Variants in ST6GALNAC5 observed in about 807,000 individuals in gnomAD.
The protein encoded by ST6GALNAC5 is alpha-N-acetylgalactosaminide alpha-2,6-sialyltransferase 5.
ST6GALNAC5 carries 27 observed loss-of-function variants against 33.6 expected under a neutral mutation model. The observed-to-expected ratio is 0.80, with a 90% CI of 0.59 to 1.11. The LOEUF (loss-of-function observed/expected upper bound fraction) is 1.11. Among genes scored for constraint, ST6GALNAC5 ranks in the 50% least tolerant of loss-of-function variants. The pLI, the probability that ST6GALNAC5 is intolerant of heterozygous loss-of-function variation, is 0.00. For missense variants in ST6GALNAC5, 428 were observed against 454.0 expected (o/e 0.94, Z 0.52); for synonymous variants, 194 against 171.2 (o/e 1.13, Z -1.04).
At chr1:77,010,005 T>C (rs1308915779) in intron 2 of ST6GALNAC5, among the ~76,000 whole-genome samples, 2 of 152,156 alleles carry the variant, frequency 1.3e-5, no homozygotes, top group Non-Finnish European at 1.5e-5. Flanking sequence ...GCAGAGTCCT[T>C]GGGCATTTTT....
intron 2 of ST6GALNAC5, among the ~76,000 whole-genome samples, chr1:77,017,427 C>T (rs973212519): frequency 6.6e-6 from 1 of 152,126 alleles, no homozygotes; most frequent in Non-Finnish European, 1.5e-5. Context: ...AAGGAGCTCT[C>T]CATGGGCAAG....
chr1:77,005,370 C>T (rs1392141930), intron 2 of ST6GALNAC5, among the ~76,000 whole-genome samples: 1 of 152,228 alleles, frequency 6.6e-6, no homozygotes, highest in Admixed American at 6.5e-5. Context: ...CGCACACCCA[C>T]TGACCTGCAC....
intron 2 of ST6GALNAC5, among the ~76,000 whole-genome samples, chr1:76,905,172 G>A (rs925734770): frequency 2.6e-5 from 4 of 152,172 alleles, no homozygotes; most frequent in Non-Finnish European, 4.4e-5. Context: ...TAAAGATAGA[G>A]AGCACATCGT....
intron 4 of ST6GALNAC5, 101 bp from the exon 5 acceptor site, chr1:77,062,874 T>C (rs1199216705): frequency 1.1e-5 from 9 of 791,262 alleles, no homozygotes; most frequent in Non-Finnish European, 1.8e-5. Context: ...AACTAGAAAA[T>C]ACAATTTTTA....
intron 2 of ST6GALNAC5, among the ~76,000 whole-genome samples, chr1:76,975,447 G>T (rs1648971130): frequency 6.6e-6 from 1 of 152,134 alleles, no homozygotes; most frequent in South Asian, 2.1e-4. Flanking sequence ...TTTTAATTCA[G>T]CAGGGTGAGA....
intron 2 of ST6GALNAC5, among the ~76,000 whole-genome samples, chr1:76,980,429 T>C (rs112097736): frequency 0.011 from 1,651 of 152,336 alleles, 33 homozygotes; most frequent in African/African-American, 0.038. Context: ...GGGTGGTTAA[T>C]TTCTATGACT....
At chr1:76,948,369 GT>G (rs1328085197) in intron 2 of ST6GALNAC5, among the ~76,000 whole-genome samples, 6 of 152,148 alleles carry the variant, frequency 3.9e-5, no homozygotes, top group African/African-American at 1.4e-4. Flanking sequence ...AGCCAGCTCT[GT>G]CTTCTCTCCT....
chr1:76,948,558 G>GGA (rs1391748146), intron 2 of ST6GALNAC5, among the ~76,000 whole-genome samples: 9 of 139,910 alleles, frequency 6.4e-5, no homozygotes, highest in African/African-American at 2.1e-4. Flanking sequence ...CTTCAAGTGG[G>GGA]GAGAGAGAGA....
intron 2 of ST6GALNAC5, among the ~76,000 whole-genome samples, chr1:76,973,953 T>C (rs115850970): frequency 0.011 from 1,711 of 152,192 alleles, 35 homozygotes; most frequent in African/African-American, 0.039. Context: ...GCTTTAATTA[T>C]TGAATATTTA....
chr1:76,957,818 A>G (rs1329224646), intron 2 of ST6GALNAC5, among the ~76,000 whole-genome samples: 1 of 152,068 alleles, frequency 6.6e-6, no homozygotes, highest in Non-Finnish European at 1.5e-5. Context: ...CATTTTTTCT[A>G]AAAACATTCT....
chr1:77,044,566 G>T lies in ST6GALNAC5; in HGVS notation c.624G>T (p.Lys208Asn). The change falls in exon 3 of 5, where the codon AAG (lysine) becomes AAT (asparagine). Residue 208 changes from lysine (K) to asparagine (N), a missense_variant. Lys to Asn is a moderately conservative substitution (Grantham distance 94). Transcript: ENST00000477717. ...RLKAFMITRH[K>N]MLQFDELFKQ... ...AGGCCTTCATGATTACTCGCCACAA[G>T]ATGCTGCAGTTTGATGAGCTCTTCA... 1.9e-6 allele frequency: 3 copies of T among 1,588,080 alleles called. No homozygotes were observed. Among genetic ancestry groups the T allele is most frequent in the Middle Eastern group, 1.7e-4 (1 of 5,920 alleles).
chr1:76,893,284 C>T (rs918638104), intron 2 of ST6GALNAC5, among the ~76,000 whole-genome samples: 1 of 151,906 alleles, frequency 6.6e-6, no homozygotes, highest in African/African-American at 2.4e-5. Flanking sequence ...ATATGTCATA[C>T]CAGAGAAAGA....
At chr1:76,969,466 G>C (rs192674600) in intron 2 of ST6GALNAC5, among the ~76,000 whole-genome samples, 1 of 152,216 alleles carries the variant, frequency 6.6e-6, no homozygotes, top group Non-Finnish European at 1.5e-5. Context: ...GCAGTAGCCT[G>C]TCAGGGAGAG....
At chr1:77,028,763 T>C (rs935921528) in intron 2 of ST6GALNAC5, among the ~76,000 whole-genome samples, 4 of 152,182 alleles carry the variant, frequency 2.6e-5, no homozygotes, top group Non-Finnish European at 4.4e-5. Context: ...ATTACCATTA[T>C]TTTATAGGTG....
chr1:76,878,566 A>G (rs1653703596), intron 2 of ST6GALNAC5, among the ~76,000 whole-genome samples: 1 of 152,124 alleles, frequency 6.6e-6, no homozygotes, highest in Non-Finnish European at 1.5e-5. Context: ...AAGGCTGGCG[A>G]TCTCCTGGGG....
In ST6GALNAC5 at chr1:76,868,820, C is replaced by T. The variant is rs1190597488; in HGVS notation, c.261+78C>T. 20 of 1,429,744 alleles carry T rather than the reference C, an allele frequency of 1.4e-5. No individual in the cohort carries two copies. The highest frequency in any genetic ancestry group is 1.7e-5 in the Non-Finnish European group (19 of 1,098,058). 88.6% of individuals were successfully genotyped at this position (1,429,744 alleles called of 1,614,324 possible). On this transcript the variant is annotated intron_variant, in intron 2 of 4. Transcript: ENST00000477717. The surrounding 1 kb of genome is among the most constrained non-coding windows in gnomAD (Gnocchi z 4.3). ...CCTGAGCCTTCCCCCTTTCCCGGGGCTGGGAGGCGCTGTGAGTAGGTGCCG... is the reference window on the plus strand; with the variant it reads ...CCTGAGCCTTCCCCCTTTCCCGGGGTTGGGAGGCGCTGTGAGTAGGTGCCG...
chr1:76,994,306 C>T (rs1391957326), intron 2 of ST6GALNAC5, among the ~76,000 whole-genome samples: 1 of 152,136 alleles, frequency 6.6e-6, no homozygotes, highest in East Asian at 1.9e-4. Context: ...ACAACTTAAT[C>T]AAATCAGACA....
intron 2 of ST6GALNAC5, among the ~76,000 whole-genome samples, chr1:76,936,364 G>A (rs1647203562): frequency 6.6e-6 from 1 of 151,906 alleles, no homozygotes; most frequent in Admixed American, 6.6e-5. Context: ...CCTTTTTAAA[G>A]CAAATGTCTG....
At chr1:76,913,493 G>C (rs1054359772) in intron 2 of ST6GALNAC5, among the ~76,000 whole-genome samples, 2 of 152,000 alleles carry the variant, frequency 1.3e-5, no homozygotes, top group Admixed American at 6.6e-5. Flanking sequence ...AAGTTCTCCT[G>C]GATAATACCC....
Sources: allele counts gnomAD v4.1 joint callset (sites outside exome capture counted in the v4.1 genomes callset), GRCh38; gene constraint gnomAD v4.1.1; non-coding constraint Gnocchi (gnomAD v3.1); transcripts MANE v1.5; gene names NCBI Gene and HGNC (gene_info 2026-07-23, HGNC 2026-07-21).